Variants in VCAN observed in about 807,000 individuals in gnomAD.
The protein encoded by VCAN is versican, also known as versican core protein.
Under a neutral mutation model 245.5 loss-of-function variants are expected in VCAN, and 44 were observed. The ratio of observed to expected loss-of-function variants is 0.18; its 90% CI spans 0.14 to 0.23. The LOEUF is 0.23. Ranked by LOEUF, VCAN falls within the 10% of genes least tolerant of loss-of-function variation. VCAN has a pLI of 1.00. For missense variants in VCAN, 3,793 were observed against 4,057.9 expected (o/e 0.93, Z 1.77); for synonymous variants, 1,413 against 1,437.0 (o/e 0.98, Z 0.38).
intron 5 of VCAN, among the ~76,000 whole-genome samples, chr5:83,503,602 A>G (rs1262013105): frequency 6.6e-6 from 1 of 152,250 alleles, no homozygotes; most frequent in Non-Finnish European, 1.5e-5. Context: ...ACTGATTTTC[A>G]GACCAAACAG....
At chr5:83,475,314 T>C (rs1412439971) in intron 1 of VCAN, among the ~76,000 whole-genome samples, 1 of 152,238 alleles carries the variant, frequency 6.6e-6, no homozygotes, top group Non-Finnish European at 1.5e-5. Flanking sequence ...TTTTAAGTCC[T>C]CCCATTTTGC....
intron 5 of VCAN, 83 bp downstream of exon 5, chr5:83,494,014 T>A: frequency 1.2e-6 from 2 of 1,603,758 alleles, no homozygotes; most frequent in Admixed American, 3.3e-5. Flanking sequence ...AGAGCAAGTC[T>A]TCGTGCTTGT....
Position 83,547,967 on chromosome 5 carries a change from T to A in VCAN, c.9380-4T>A, listed in dbSNP as rs139854446. Reference sequence around the variant, plus strand: ...TTTTGTGAGCTTTTACTATTTTGTTTCAGATTTTGATGAATGTCACTCTAA... The same window carrying A: ...TTTTGTGAGCTTTTACTATTTTGTTACAGATTTTGATGAATGTCACTCTAA... On this transcript the variant is annotated splice_region_variant and splice_polypyrimidine_tract_variant and intron_variant, in intron 9 of 14. Coordinates refer to ENST00000265077, the MANE Select transcript of VCAN (RefSeq NM_004385.5). 8.3e-5 allele frequency: 133 copies of A among 1,605,530 alleles called. 1 individual carries two copies. The African/African-American group carries it at 1.3e-3, about 15-fold the overall frequency.
chr5:83,567,324 G>A (rs890051118), intron 12 of VCAN, among the ~76,000 whole-genome samples: 2 of 151,932 alleles, frequency 1.3e-5, no homozygotes, highest in Non-Finnish European at 2.9e-5. Flanking sequence ...GTTTTGAGAC[G>A]GAGTCTCACC....
In VCAN at chr5:83,491,525, A is replaced by C. The variant is rs150611233; in HGVS notation, c.445+1053A>C. ...CCACTAAGTATCCTGGGTTCTTCTA[A>C]CCTTTTTATCATTATTTTTGTTAGC... is the stretch of plus-strand genomic sequence containing the variant. On this transcript the variant is annotated intron_variant, in intron 3 of 14. Transcript: ENST00000265077. 3.1e-3 allele frequency among the ~76,000 whole-genome samples: 470 copies of C among 151,992 alleles called. 2 individuals are homozygous for C. The highest frequency in any genetic ancestry group is 0.011 in the African/African-American group (452 of 41,460).
chr5:83,545,565 C>A lies in VCAN; in HGVS notation c.9294C>A (p.Cys3098Ter), dbSNP rs1747174306. The A allele has an allele frequency of 6.2e-7, 1 of 1,613,942 alleles. No homozygotes were observed. Among genetic ancestry groups the A allele is most frequent in the Admixed American group, 1.7e-5 (1 of 60,004 alleles). Residue 3098 changes from cysteine (C) to a stop codon, truncating the protein, a stop_gained, in exon 9 of 15, where the codon TGC (cysteine) becomes TGA (stop). Coordinates refer to ENST00000265077, the MANE Select transcript of VCAN (RefSeq NM_004385.5). LOFTEE classifies it high-confidence loss of function. ...CTGATCGCTGCAAAATGAACCCGTG[C>A]CTTAACGGAGGCACCTGTTATCCTA... ...PGPDRCKMNPCLNGGTCYPTE... is the reference protein window; with the variant it reads ...PGPDRCKMNP
At chr5:83,475,268 C>T (rs1028901315) in intron 1 of VCAN, among the ~76,000 whole-genome samples, 2 of 152,190 alleles carry the variant, frequency 1.3e-5, no homozygotes, top group Non-Finnish European at 2.9e-5. Context: ...CCTGGAGAAG[C>T]TTGGTGCAGA....
At chr5:83,496,388 T>TA (rs1252636228) in intron 5 of VCAN, among the ~76,000 whole-genome samples, 1 of 152,210 alleles carries the variant, frequency 6.6e-6, no homozygotes, top group Non-Finnish European at 1.5e-5. Flanking sequence ...TGAAAACTTG[T>TA]AATGTGGAAT....
At chr5:83,513,613 G>A (rs1352748063) in intron 6 of VCAN, among the ~76,000 whole-genome samples, 2 of 152,150 alleles carry the variant, frequency 1.3e-5, no homozygotes, top group South Asian at 2.1e-4. Flanking sequence ...CAAGCTGGTC[G>A]CTCCATAAAG....
At chr5:83,548,659 C>T (rs183005244) in intron 10 of VCAN, among the ~76,000 whole-genome samples, 22 of 152,244 alleles carry the variant, frequency 1.4e-4, no homozygotes, top group Non-Finnish European at 2.4e-4. Context: ...TTGCATTTTA[C>T]GGCCAACCTG....
intron 5 of VCAN, among the ~76,000 whole-genome samples, chr5:83,506,320 C>A (rs146239038): frequency 0.14 from 20,934 of 152,162 alleles, 1,881 homozygotes; most frequent in Middle Eastern, 0.18. Flanking sequence ...CCCAAGTCAC[C>A]TCTTGAATGC....
At chr5:83,483,412 A>G (rs1406380408) in intron 1 of VCAN, 101 bp from the exon 2 acceptor site, 8 of 920,000 alleles carry the variant, frequency 8.7e-6, no homozygotes, top group Non-Finnish European at 1.4e-5. Flanking sequence ...TTAATGCTTA[A>G]TACTACCCTT....
Position 83,519,266 on chromosome 5 carries a change from A to T in VCAN, c.1043-83A>T, listed in dbSNP as rs1745976616. On this transcript the variant is annotated intron_variant, in intron 6 of 14. Transcript: ENST00000265077. ...CACCCAAAAATACTCCCTACAAAAT[A>T]CTCAGGAGCACTTAACAAACACTGG... The T allele has an allele frequency of 3.5e-6, 5 of 1,440,064 alleles. No homozygotes were observed. In the Admixed American group the frequency reaches 5.4e-5, roughly 16 times the overall value. The allele number at this position is 1,440,064 out of a possible 1,614,324, so 89.2% of individuals were successfully genotyped here.
intron 7 of VCAN, 38 bp downstream of exon 7, chr5:83,522,347 C>A: frequency 6.3e-7 from 1 of 1,590,538 alleles, no homozygotes; most frequent in Non-Finnish European, 8.5e-7. Flanking sequence ...TGAAGGCAAT[C>A]CTCATTTTAT....
At chr5:83,526,383 G>A (rs1346780003) in intron 7 of VCAN, among the ~76,000 whole-genome samples, 1 of 151,798 alleles carries the variant, frequency 6.6e-6, no homozygotes, top group Non-Finnish European at 1.5e-5. Context: ...TAAGATCCAG[G>A]TCCTTTCTTC....
At chr5:83,550,251 T>C (rs1394491569) in intron 10 of VCAN, among the ~76,000 whole-genome samples, 2 of 152,206 alleles carry the variant, frequency 1.3e-5, no homozygotes, top group Non-Finnish European at 2.9e-5. Flanking sequence ...AATTTGTTTG[T>C]GATAGTTTCA....
At chr5:83,495,867 GGCTT>G (rs1745139826) in intron 5 of VCAN, among the ~76,000 whole-genome samples, 1 of 152,092 alleles carries the variant, frequency 6.6e-6, no homozygotes, top group Admixed American at 6.6e-5. Flanking sequence ...TGGAAAGACA[GGCTT>G]ATGTACCCAT....
chr5:83,491,605 T>G (rs1744982694), intron 3 of VCAN, among the ~76,000 whole-genome samples: 1 of 152,188 alleles, frequency 6.6e-6, no homozygotes, highest in Non-Finnish European at 1.5e-5. Flanking sequence ...TATCACTTTT[T>G]AAAATCCCCA....
At chr5:83,527,446 G>A (rs1049957146) in intron 7 of VCAN, among the ~76,000 whole-genome samples, 4 of 152,164 alleles carry the variant, frequency 2.6e-5, no homozygotes, top group Non-Finnish European at 5.9e-5. Flanking sequence ...ATCTCTCACG[G>A]ACTGTCCCAA....
Sources: allele counts gnomAD v4.1 joint callset (sites outside exome capture counted in the v4.1 genomes callset), GRCh38; gene constraint gnomAD v4.1.1; transcripts MANE v1.5; gene names NCBI Gene and HGNC (gene_info 2026-07-23, HGNC 2026-07-21).